CDK8: variants seen among roughly 807,000 people sequenced by gnomAD.
The protein encoded by CDK8 is cyclin-dependent kinase 8.
Under a neutral mutation model 71.5 loss-of-function variants are expected in CDK8, and 29 were observed. That is an observed-to-expected ratio of 0.41 (90% CI 0.30 to 0.55). The LOEUF is 0.55. Among genes scored for constraint, CDK8 ranks in the 20% least tolerant of loss-of-function variants. CDK8 has a pLI of 0.37. For missense variants in CDK8, 288 were observed against 572.6 expected, an observed-to-expected ratio of 0.50 and a Z score of 5.07; for synonymous variants, 161 against 192.1, an observed-to-expected ratio of 0.84 and a Z score of 1.34.
intron 2 of CDK8, among the ~76,000 whole-genome samples, chr13:26,342,209 A>G (rs941029047): frequency 6.6e-6 from 1 of 152,202 alleles, no homozygotes; most frequent in Non-Finnish European, 1.5e-5. Flanking sequence ...CACCGCACCC[A>G]GCTGTTTTCA....
chr13:26,254,834 C>G lies in CDK8; in HGVS notation c.128+65C>G. On this transcript the variant is annotated intron_variant, in intron 1 of 12. Transcript: ENST00000381527. This position sits in a 1 kb window ranked among gnomAD's most constrained non-coding sequence, Gnocchi z 6.7. ...CGCTCCCGCAGGCCGAGGCAGGTAG[C>G]CCGGAGGGAGAGCGGGCCGCCGGGG... is the stretch of plus-strand genomic sequence containing the variant. 2.5e-6 allele frequency: 4 copies of G among 1,579,334 alleles called. No homozygotes were observed. Among genetic ancestry groups the G allele is most frequent in the Non-Finnish European group, 1.7e-6 (2 of 1,160,170 alleles).
At chr13:26,293,689 G>A (rs1220368631) in intron 1 of CDK8, among the ~76,000 whole-genome samples, 3 of 151,420 alleles carry the variant, frequency 2.0e-5, no homozygotes, top group African/African-American at 7.3e-5. Flanking sequence ...GTGATATACA[G>A]TTTTAATTGA....
intron 4 of CDK8, among the ~76,000 whole-genome samples, chr13:26,364,331 ATGTATATTT>A (rs1874282170): frequency 6.6e-6 from 1 of 152,160 alleles, no homozygotes; most frequent in Non-Finnish European, 1.5e-5. Context: ...TGATTCAGTT[ATGTATATTT>A]GTCATTATTG....
chr13:26,266,945 T>C (rs1482341074), intron 1 of CDK8, among the ~76,000 whole-genome samples: 1 of 152,230 alleles, frequency 6.6e-6, no homozygotes, highest in Admixed American at 6.5e-5. Context: ...AGAAATGTAT[T>C]CTTAAAACCC....
intron 1 of CDK8, among the ~76,000 whole-genome samples, chr13:26,320,820 G>T (rs9578994): frequency 0.029 from 4,378 of 152,182 alleles, 198 homozygotes; most frequent in African/African-American, 0.099. Flanking sequence ...CTACAGTGAG[G>T]TACACCTCAC....
At chr13:26,364,071 T>C (rs1015685716) in intron 4 of CDK8, among the ~76,000 whole-genome samples, 1 of 152,222 alleles carries the variant, frequency 6.6e-6, no homozygotes. Context: ...TACTAGTAAG[T>C]GGAAAAATTG....
intron 1 of CDK8, among the ~76,000 whole-genome samples, chr13:26,298,571 T>C (rs1873672076): frequency 6.6e-6 from 1 of 152,102 alleles, no homozygotes; most frequent in Non-Finnish European, 1.5e-5. Context: ...TTTTTCCTAG[T>C]GTTTGAGCTG....
intron 6 of CDK8, among the ~76,000 whole-genome samples, chr13:26,392,227 T>TA (rs934343505): frequency 3.3e-5 from 5 of 152,114 alleles, no homozygotes; most frequent in African/African-American, 1.2e-4. Flanking sequence ...TGAATGAAAG[T>TA]AAATCTGTAT....
chr13:26,328,295 AAC>A (rs1377320072), intron 1 of CDK8, among the ~76,000 whole-genome samples: 1 of 152,222 alleles, frequency 6.6e-6, no homozygotes, highest in Non-Finnish European at 1.5e-5. Context: ...TATATAACTA[AAC>A]ACAGTGATTA....
intron 1 of CDK8, among the ~76,000 whole-genome samples, chr13:26,336,122 T>TACAC (rs111361937): frequency 0.032 from 4,805 of 148,632 alleles, 179 homozygotes; most frequent in African/African-American, 0.087. Context: ...TACACAAACA[T>TACAC]ACACACACAC....
chr13:26,312,453 C>G (rs996901954), intron 1 of CDK8, among the ~76,000 whole-genome samples: 2 of 152,154 alleles, frequency 1.3e-5, no homozygotes, highest in South Asian at 4.1e-4. Flanking sequence ...GTCAGCGAGA[C>G]CATGAACCCA....
At chr13:26,341,728 G>A (rs1188838301) in intron 2 of CDK8, among the ~76,000 whole-genome samples, 4 of 151,798 alleles carry the variant, frequency 2.6e-5, no homozygotes, top group Non-Finnish European at 5.9e-5. Context: ...TTATATATTT[G>A]TACTATAGAA....
chr13:26,373,170 C>T (rs1330383915), intron 4 of CDK8, among the ~76,000 whole-genome samples: 2 of 152,216 alleles, frequency 1.3e-5, no homozygotes. Flanking sequence ...CCTTCCCTCA[C>T]CATCCTGTAC....
At chr13:26,315,187 A>G (rs1451556957) in intron 1 of CDK8, among the ~76,000 whole-genome samples, 2 of 152,348 alleles carry the variant, frequency 1.3e-5, no homozygotes, top group East Asian at 3.9e-4. Flanking sequence ...TAGTTTCTAT[A>G]CACAATTCAA....
rs1875849190 is a variant in CDK8, at chr13:26,393,500, A to C, written c.780A>C (p.Gly260=). ...TGGACAGAATATTCAATGTAATGGG[A>C]TTTCCTGCAGGTACACATTATTCGT... is the stretch of plus-strand genomic sequence containing the variant. ...DQLDRIFNVM[G]FPADKDWEDI... Residue 260 remains glycine, a synonymous_variant, in exon 7 of 13, where the codon GGA becomes GGC. Coordinates refer to ENST00000381527, the MANE Select transcript of CDK8 (RefSeq NM_001260.3). The C allele has an allele frequency of 6.2e-7, 1 of 1,611,754 alleles. No individual in the cohort carries two copies. The highest frequency in any genetic ancestry group is 8.5e-7 in the Non-Finnish European group (1 of 1,178,940).
At chr13:26,381,215 A>G (rs890915279) in intron 4 of CDK8, among the ~76,000 whole-genome samples, 15 of 152,168 alleles carry the variant, frequency 9.9e-5, no homozygotes, top group African/African-American at 1.7e-4. Flanking sequence ...ATTGGGAGCA[A>G]TCCTTTAGCA....
At chr13:26,345,534 A>T (rs1176947310) in intron 2 of CDK8, among the ~76,000 whole-genome samples, 1 of 152,080 alleles carries the variant, frequency 6.6e-6, no homozygotes, top group East Asian at 1.9e-4. Context: ...GGTGTGTGCC[A>T]CCACGCCCAA....
intron 1 of CDK8, among the ~76,000 whole-genome samples, chr13:26,257,913 TGTGTGTGTGA>T (rs796908987): frequency 5.9e-4 from 83 of 140,114 alleles, no homozygotes; most frequent in African/African-American, 2.6e-3. Context: ...TGTGTGTGTG[TGTGTGTGTGA>T]GAGAGAGAGA....
chr13:26,303,009 A>G (rs1305771242), intron 1 of CDK8, among the ~76,000 whole-genome samples: 1 of 152,032 alleles, frequency 6.6e-6, no homozygotes. Flanking sequence ...TTGGATTTTT[A>G]ATGAGTCAGT....
Sources: gnomAD v4.1 joint callset for allele counts (sites outside exome capture counted in the v4.1 genomes callset) on GRCh38, gnomAD v4.1.1 for gene constraint, Gnocchi (gnomAD v3.1) non-coding constraint, MANE v1.5 for transcripts, NCBI Gene and HGNC (gene_info 2026-07-23, HGNC 2026-07-21) for gene names.